LOXL2: variants seen among roughly 807,000 people sequenced by gnomAD.
LOXL2 encodes the protein lysyl oxidase homolog 2.
Under a neutral mutation model 93.0 loss-of-function variants are expected in LOXL2, and 70 were observed. The observed-to-expected ratio is 0.75, with a 90% CI of 0.62 to 0.92. The LOEUF is 0.92. LOXL2 is among the 40% of genes least tolerant of loss of function. LOXL2 has a pLI of 0.00. For synonymous variants in LOXL2, 438 were observed against 413.2 expected (o/e 1.06, Z -0.73); for missense variants, 973 against 1,054.9 (o/e 0.92, Z 1.08).
chr8:23,309,868 G>T lies in LOXL2; in HGVS notation c.1680C>A (p.Thr560=), dbSNP rs949146817. The change falls in exon 10 of 14, where the codon ACC becomes ACA. Residue 560 remains threonine (T), a synonymous_variant. Transcript: ENST00000389131. ...ACATGGGCCGGTCCTCCAGGTAGGT[G>T]GTCTGCTGCACCATCTCCGCATTGA... ...LVLNAEMVQQ[T]TYLEDRPMFM... 2.4e-5 allele frequency: 38 copies of T among 1,581,944 alleles called. No individual in the cohort carries two copies. Among genetic ancestry groups the T allele is most frequent in the Non-Finnish European group, 3.2e-5 (37 of 1,162,592 alleles).
intron 3 of LOXL2, among the ~76,000 whole-genome samples, chr8:23,358,780 A>C (rs554231590): frequency 6.6e-6 from 1 of 152,330 alleles, no homozygotes; most frequent in African/African-American, 2.4e-5. Flanking sequence ...CTTAAAGAAA[A>C]ATAACCTAGT....
Position 23,298,740 on chromosome 8 carries a change from C to G in LOXL2, c.2245+96G>C, listed in dbSNP as rs533486514. ...GAAATGTGATGCTGGCTGCATTCCC[C>G]GAGCTCTTTACCCAAATTAGGAAGC... On this transcript the variant is annotated intron_variant, in intron 13 of 13. Transcript: ENST00000389131. 4 of 736,042 alleles carry G rather than the reference C, an allele frequency of 5.4e-6. No homozygotes were observed. In the South Asian group the frequency reaches 6.1e-5, roughly 11 times the overall value. 45.6% of individuals were successfully genotyped at this position (736,042 alleles called of 1,614,324 possible).
chr8:23,303,538 G>T (rs1027433100), intron 10 of LOXL2, 141 bp from the exon 11 acceptor site: 10 of 617,688 alleles, frequency 1.6e-5, no homozygotes, highest in Non-Finnish European at 2.9e-5. Flanking sequence ...TGGATGAGAG[G>T]CCTGAGGAAA....
chr8:23,378,415 G>A (rs911887293), intron 1 of LOXL2, among the ~76,000 whole-genome samples: 2 of 152,024 alleles, frequency 1.3e-5, no homozygotes, highest in African/African-American at 4.8e-5. Flanking sequence ...ACAATTATGT[G>A]TCTTGGAGTT....
chr8:23,353,783 G>A (rs771415248), intron 3 of LOXL2, among the ~76,000 whole-genome samples: 10 of 152,170 alleles, frequency 6.6e-5, no homozygotes, highest in Admixed American at 1.3e-4. Flanking sequence ...TGTAAATGAT[G>A]AATGCACACT....
chr8:23,298,750 A>C, intron 13 of LOXL2, 86 bp downstream of exon 13: 1 of 797,226 alleles, frequency 1.3e-6, no homozygotes, highest in Non-Finnish European at 2.2e-6. Context: ...CGAGCTCTTT[A>C]CCCAAATTAG....
chr8:23,341,042 G>A lies in LOXL2; in HGVS notation c.693C>T (p.Cys231=), dbSNP rs754957234. Residue 231 remains cysteine, a synonymous_variant, in exon 4 of 14, where the codon TGC becomes TGT. Coordinates refer to ENST00000389131, the MANE Select transcript of LOXL2 (RefSeq NM_002318.3). The part of the protein sequence containing the change: ...HWTAKNSRVV[C]GMFGFPGERT... Reference sequence around the variant, plus strand: ...TCTCCCCAGGGAAGCCAAACATGCCGCAGACCACGCGGGAATTCTTGGCCG... The same window carrying A: ...TCTCCCCAGGGAAGCCAAACATGCCACAGACCACGCGGGAATTCTTGGCCG... 7.4e-6 allele frequency: 12 copies of A among 1,614,008 alleles called. No individual in the cohort carries two copies. Among genetic ancestry groups the A allele is most frequent in the South Asian group, 2.2e-5 (2 of 91,084 alleles).
At chr8:23,316,923 T>G in intron 9 of LOXL2, 26 bp downstream of exon 9, 1 of 1,554,528 alleles carries the variant, frequency 6.4e-7, no homozygotes. Context: ...GGGAGCCCGG[T>G]GGGGAGGGAG....
At chr8:23,403,134 G>A (rs964703333) in intron 1 of LOXL2, among the ~76,000 whole-genome samples, 7 of 152,174 alleles carry the variant, frequency 4.6e-5, no homozygotes, top group African/African-American at 1.7e-4. Flanking sequence ...CTGGTGAGAA[G>A]GGGCGCGGTG....
intron 1 of LOXL2, among the ~76,000 whole-genome samples, chr8:23,378,762 A>G (rs1240409597): frequency 2.6e-5 from 4 of 152,168 alleles, no homozygotes; most frequent in African/African-American, 9.7e-5. Flanking sequence ...TTCGTCACGT[A>G]GTTCTCGTGC....
Position 23,360,172 on chromosome 8 carries a change from T to C in LOXL2, c.449A>G (p.His150Arg), listed in dbSNP as rs766537606. The change falls in exon 3 of 14, where the codon CAC (histidine) becomes CGC (arginine). Residue 150 changes from histidine to arginine, a missense_variant. Transcript: ENST00000389131. ...GCACACCACACCGACATCCTCCGTG[T>C]GCTTGCAGTCAGTGACGCCCCAGCC... ...SNGWGVTDCK[H>R]TEDVGVVCSD... 3.1e-6 allele frequency: 5 copies of C among 1,614,146 alleles called. No homozygotes were observed. The East Asian group carries it at 8.9e-5, about 29-fold the overall frequency.
intron 4 of LOXL2, among the ~76,000 whole-genome samples, chr8:23,339,664 C>T (rs9886636): frequency 0.36 from 54,894 of 152,044 alleles, 10,969 homozygotes; most frequent in African/African-American, 0.55. Flanking sequence ...TTCTTGGCTC[C>T]GACTGGTAAG....
chr8:23,309,033 G>A (rs536183392), intron 10 of LOXL2, among the ~76,000 whole-genome samples: 2 of 149,314 alleles, frequency 1.3e-5, no homozygotes, highest in East Asian at 3.9e-4. Context: ...CGCCTATGCT[G>A]GAGTGTGGTG....
chr8:23,318,066 G>T (rs1400275246), intron 8 of LOXL2, among the ~76,000 whole-genome samples: 1 of 100,040 alleles, frequency 1.0e-5, no homozygotes, highest in Admixed American at 9.2e-5. Context: ...GCTTACGTGA[G>T]GCTGTTTTTA....
intron 1 of LOXL2, among the ~76,000 whole-genome samples, chr8:23,391,087 G>T (rs1409878800): frequency 1.3e-5 from 2 of 152,150 alleles, no homozygotes; most frequent in African/African-American, 2.4e-5. Context: ...TATGAGGGAA[G>T]TTGCCCCATG....
intron 3 of LOXL2, among the ~76,000 whole-genome samples, chr8:23,350,315 G>A (rs768420390): frequency 3.3e-5 from 5 of 152,078 alleles, no homozygotes; most frequent in African/African-American, 7.2e-5. Flanking sequence ...ACAGTGGCAC[G>A]CACCTGTAAT....
chr8:23,336,619 C>G (rs1018137112), intron 4 of LOXL2: 12 of 152,234 alleles, frequency 7.9e-5, no homozygotes, highest in African/African-American at 2.9e-4. Context: ...GCTCCCCTTG[C>G]CAAGAGTGAA....
intron 1 of LOXL2, among the ~76,000 whole-genome samples, chr8:23,387,002 C>T (rs912537762): frequency 6.6e-6 from 1 of 152,078 alleles, no homozygotes; most frequent in Admixed American, 6.6e-5. Context: ...TGGGAGCTGC[C>T]GTGGCAGATG....
chr8:23,349,003 C>T (rs1168633683), intron 3 of LOXL2, among the ~76,000 whole-genome samples: 1 of 132,546 alleles, frequency 7.5e-6, no homozygotes, highest in Non-Finnish European at 1.5e-5. Context: ...ATGCCCTCAA[C>T]TCTTCCTCTT....
Sources: gnomAD v4.1 joint callset for allele counts (sites outside exome capture counted in the v4.1 genomes callset) on GRCh38, gnomAD v4.1.1 for gene constraint, MANE v1.5 for transcripts, NCBI Gene and HGNC (gene_info 2026-07-23, HGNC 2026-07-21) for gene names.